The following GALNT18 variants were observed in gnomAD, a reference collection of about 807,000 sequenced individuals.
GALNT18 encodes the protein polypeptide N-acetylgalactosaminyltransferase 18.
GALNT18 carries 44 observed loss-of-function variants against 69.5 expected under a neutral mutation model. The observed-to-expected ratio is 0.63, with a 90% CI of 0.50 to 0.81. The LOEUF is 0.81. Ranked by LOEUF, GALNT18 falls within the 40% of genes least tolerant of loss-of-function variation. The pLI is 0.00. For missense variants in GALNT18, 715 were observed against 810.0 expected (o/e 0.88, Z 1.42); for synonymous variants, 364 against 318.2 (o/e 1.14, Z -1.53).
At chr11:11,419,805 G>A (rs1235078175) in intron 3 of GALNT18, among the ~76,000 whole-genome samples, 1 of 152,030 alleles carries the variant, frequency 6.6e-6, no homozygotes, top group African/African-American at 2.4e-5. Flanking sequence ...TATGCCATAA[G>A]CTCTTGGGAC....
In GALNT18 at chr11:11,339,755, A is replaced by C. The variant is rs1217491674; in HGVS notation, c.1278+1064T>G. On this transcript the variant is annotated intron_variant, in intron 7 of 10. Transcript: ENST00000227756. This position sits in a 1 kb window ranked among gnomAD's most constrained non-coding sequence, Gnocchi z 5.2. ...CACTGATTGTGGGAGTATGCAACCCAACTCAAGTTCCCCTCTCCTACGGTG... is the reference window on the plus strand; with the variant it reads ...CACTGATTGTGGGAGTATGCAACCCCACTCAAGTTCCCCTCTCCTACGGTG... 6.6e-6 allele frequency among the ~76,000 whole-genome samples: 1 copy of C among 152,114 alleles called. No individual in the cohort carries two copies. Among genetic ancestry groups the C allele is most frequent in the Non-Finnish European group, 1.5e-5 (1 of 68,016 alleles).
chr11:11,272,664 G>A (rs1589993684), intron 10 of GALNT18, among the ~76,000 whole-genome samples: 1 of 152,310 alleles, frequency 6.6e-6, no homozygotes, highest in East Asian at 1.9e-4. Flanking sequence ...ATGCTCCCAT[G>A]ACAGGCTAAG....
In GALNT18 at chr11:11,590,739, A is replaced by G. The variant is rs1171738826; in HGVS notation, c.235+30620T>C. Among the ~76,000 whole-genome samples, 1 of 152,194 alleles carries G rather than the reference A, an allele frequency of 6.6e-6. No individual in the cohort carries two copies. Among genetic ancestry groups the G allele is most frequent in the East Asian group, 1.9e-4 (1 of 5,194 alleles). On this transcript the variant is annotated intron_variant, in intron 1 of 10. Coordinates refer to ENST00000227756, the MANE Select transcript of GALNT18 (RefSeq NM_198516.3). The surrounding 1 kb of genome is among the most constrained non-coding windows in gnomAD (Gnocchi z 4.4). ...TCCCGTAAGATTACAATGGAGCCCAAAAATTCCTATTGCCTAGTAACATCA... is the reference window on the plus strand; with the variant it reads ...TCCCGTAAGATTACAATGGAGCCCAGAAATTCCTATTGCCTAGTAACATCA...
intron 1 of GALNT18, among the ~76,000 whole-genome samples, chr11:11,451,543 G>A (rs1855800032): frequency 6.6e-6 from 1 of 152,164 alleles, no homozygotes; most frequent in Non-Finnish European, 1.5e-5. Context: ...ATGAGGTGGA[G>A]GGCCTACAGC....
intron 10 of GALNT18, among the ~76,000 whole-genome samples, chr11:11,284,983 G>A (rs796297619): frequency 6.6e-5 from 9 of 137,068 alleles, no homozygotes; most frequent in African/African-American, 2.5e-4. Context: ...GTGAGATTCT[G>A]CCCAGGGCTT....
At chr11:11,274,565 T>C (rs1589995695) in intron 10 of GALNT18, among the ~76,000 whole-genome samples, 3 of 152,336 alleles carry the variant, frequency 2.0e-5, no homozygotes, top group South Asian at 2.1e-4. Context: ...TTTTTTATTA[T>C]TGTACTTTAA....
chr11:11,329,140 C>T lies in GALNT18; in HGVS notation c.1417-1959G>A, dbSNP rs139146930. Among the ~76,000 whole-genome samples the T allele has an allele frequency of 2.5e-3, 380 of 152,262 alleles. 1 individual carries two copies. Among genetic ancestry groups the T allele is most frequent in the Non-Finnish European group, 4.0e-3 (270 of 68,012 alleles). Reference sequence around the variant, plus strand: ...CTCTAAAATAGGAATAATAATAGTGCCTACCTCATAAGGCTGTTATGAGGA... The same window carrying T: ...CTCTAAAATAGGAATAATAATAGTGTCTACCTCATAAGGCTGTTATGAGGA... On this transcript the variant is annotated intron_variant, in intron 8 of 10. Transcript: ENST00000227756.
intron 6 of GALNT18, among the ~76,000 whole-genome samples, chr11:11,362,868 TA>T (rs1850674943): frequency 6.6e-6 from 1 of 152,062 alleles, no homozygotes; most frequent in Non-Finnish European, 1.5e-5. Flanking sequence ...CCAATAAAAA[TA>T]TGAAAAAAGT....
rs144059479 is a variant in GALNT18, at chr11:11,271,065, A to C, written c.*79T>G. The C allele has an allele frequency of 1.4e-6, 2 of 1,389,540 alleles. No homozygotes were observed. The highest frequency in any genetic ancestry group is 2.8e-5 in the African/African-American group (2 of 70,626). The allele number at this position is 1,389,540 out of a possible 1,614,324, so 86.1% of individuals were successfully genotyped here. A position where few individuals can be genotyped will look rare whatever the true frequency, so the allele number is the denominator to read the frequency against. On this transcript the variant is annotated 3_prime_UTR_variant, in exon 11 of 11. Transcript: ENST00000227756. ...TAACCTGGTTCCCCAGACTCCAAAC[A>C]ACCCCACGTGGACAGCAGGCAACGT... is the stretch of plus-strand genomic sequence containing the variant.
In GALNT18 at chr11:11,389,698, CG is replaced by C; in HGVS notation, c.596-10435del. Among the ~76,000 whole-genome samples, 1 of 152,116 alleles carries C rather than the reference CG, an allele frequency of 6.6e-6. No homozygotes were observed. On this transcript the variant is annotated intron_variant, in intron 3 of 10. Transcript: ENST00000227756. The surrounding 1 kb of genome is among the most constrained non-coding windows in gnomAD (Gnocchi z 4.3). Reference sequence around the variant, plus strand: ...TCCTCCCATGAGCTTCTAGGGAGGGCGTACCAAGAACTCAAAGCCTTGGGAA... The same window carrying C: ...TCCTCCCATGAGCTTCTAGGGAGGGCTACCAAGAACTCAAAGCCTTGGGAA...
At position 11,341,135 on chromosome 11, in the gene GALNT18, G is replaced by A; in HGVS notation, c.1093-131C>T. The A allele has an allele frequency of 5.2e-6, 4 of 765,670 alleles. No individual in the cohort carries two copies. 47.4% of individuals were successfully genotyped at this position (765,670 alleles called of 1,614,324 possible). A position where few individuals can be genotyped will look rare whatever the true frequency, so the allele number is the denominator to read the frequency against. On this transcript the variant is annotated intron_variant, in intron 6 of 10. Coordinates refer to ENST00000227756, the MANE Select transcript of GALNT18 (RefSeq NM_198516.3). The surrounding 1 kb of genome is among the most constrained non-coding windows in gnomAD (Gnocchi z 6.3). ...ACCTTGACTCCCCAGATCACTCTCT[G>A]TGAAGGAGTAGGCCATACCTGATTT...
Position 11,511,169 on chromosome 11 carries a change from T to C in GALNT18, c.236-62233A>G, listed in dbSNP as rs1303064806. Among the ~76,000 whole-genome samples the C allele has an allele frequency of 6.6e-6, 1 of 152,208 alleles. No individual in the cohort carries two copies. Among genetic ancestry groups the C allele is most frequent in the East Asian group, 1.9e-4 (1 of 5,194 alleles). The stretch of plus-strand genomic sequence containing the variant: ...CCCTCCTTTTGGACTGAATGAGGTT[T>C]CTCGCTGTGAATAATGGCATTGAAG... On this transcript the variant is annotated intron_variant, in intron 1 of 10. Transcript: ENST00000227756. This position sits in a 1 kb window ranked among gnomAD's most constrained non-coding sequence, Gnocchi z 4.9.
chr11:11,497,141 T>A lies in GALNT18; in HGVS notation c.236-48205A>T, dbSNP rs1024593498. Among the ~76,000 whole-genome samples the A allele has an allele frequency of 2.6e-5, 4 of 152,220 alleles. No homozygotes were observed. Among genetic ancestry groups the A allele is most frequent in the African/African-American group, 9.6e-5 (4 of 41,544 alleles). ...GCTGTGACCCAGGGCCAGACCCTTC[T>A]TGTCATGCAAGTCTCAGCTCAATCA... On this transcript the variant is annotated intron_variant, in intron 1 of 10. Transcript: ENST00000227756. This position sits in a 1 kb window ranked among gnomAD's most constrained non-coding sequence, Gnocchi z 4.2.
chr11:11,465,918 G>C lies in GALNT18; in HGVS notation c.236-16982C>G, dbSNP rs76015739. Among the ~76,000 whole-genome samples, 11,346 of 152,160 alleles carry C rather than the reference G, an allele frequency of 0.075. 910 individuals carry two copies. Among genetic ancestry groups the C allele is most frequent in the East Asian group, 0.21 (1,106 of 5,164 alleles). The stretch of plus-strand genomic sequence containing the variant: ...CTCACCAGTGCTCTGCTCAACATAG[G>C]GGGTAGGAAGGTCTCCCAGATGTGG... On this transcript the variant is annotated intron_variant, in intron 1 of 10. Transcript: ENST00000227756. This position sits in a 1 kb window ranked among gnomAD's most constrained non-coding sequence, Gnocchi z 5.7.
intron 10 of GALNT18, among the ~76,000 whole-genome samples, chr11:11,292,245 T>C (rs544064881): frequency 4.5e-4 from 69 of 152,280 alleles, no homozygotes; most frequent in African/African-American, 1.5e-3. Flanking sequence ...CAGGCATCCC[T>C]ATCTGTGGCT....
intron 1 of GALNT18, among the ~76,000 whole-genome samples, chr11:11,566,417 T>G (rs1352084492): frequency 1.3e-5 from 2 of 152,226 alleles, no homozygotes; most frequent in Non-Finnish European, 2.9e-5. Context: ...AGCAGGCAAC[T>G]CTGACTGAGG....
intron 6 of GALNT18, among the ~76,000 whole-genome samples, chr11:11,343,177 C>T (rs1850241625): frequency 6.6e-6 from 1 of 151,886 alleles, no homozygotes; most frequent in African/African-American, 2.4e-5. Context: ...GACCTCATCT[C>T]TGCTGAAAAT....
chr11:11,443,635 C>T (rs1855581251), intron 2 of GALNT18, among the ~76,000 whole-genome samples: 1 of 151,938 alleles, frequency 6.6e-6, no homozygotes, highest in South Asian at 2.1e-4. Flanking sequence ...GGAGCCGGGT[C>T]CAGCCAGGCT....
At position 11,546,064 on chromosome 11, in the gene GALNT18, C is replaced by G. The variant is rs1858046922; in HGVS notation, c.235+75295G>C. On this transcript the variant is annotated intron_variant, in intron 1 of 10. Coordinates refer to ENST00000227756, the MANE Select transcript of GALNT18 (RefSeq NM_198516.3). The surrounding 1 kb of genome is among the most constrained non-coding windows in gnomAD (Gnocchi z 5.8). ...ACAAGCAGGATTAGGCCCCTCTTCT[C>G]CCCAGCCACTCAGCCAAGCTGCCAC... 6.6e-6 allele frequency among the ~76,000 whole-genome samples: 1 copy of G among 152,152 alleles called. No homozygotes were observed. The highest frequency in any genetic ancestry group is 2.1e-4 in the South Asian group (1 of 4,828).
Sources: allele counts gnomAD v4.1 joint callset (sites outside exome capture counted in the v4.1 genomes callset), GRCh38; gene constraint gnomAD v4.1.1; non-coding constraint Gnocchi (gnomAD v3.1); transcripts MANE v1.5; gene names NCBI Gene and HGNC (gene_info 2026-07-23, HGNC 2026-07-21).